Variants in KAZN observed in about 807,000 individuals in gnomAD.
The protein encoded by KAZN is kazrin.
KAZN carries 40 observed loss-of-function variants against 87.4 expected under a neutral mutation model. That is an observed-to-expected ratio of 0.46 (90% CI 0.36 to 0.60). KAZN has a LOEUF of 0.60. Among genes scored for constraint, KAZN ranks in the 20% least tolerant of loss-of-function variants. KAZN has a pLI of 0.00. For missense variants in KAZN, 898 were observed against 1,073.9 expected, an observed-to-expected ratio of 0.84 and a Z score of 2.29; for synonymous variants, 466 against 458.3, an observed-to-expected ratio of 1.02 and a Z score of -0.22.
intron 1 of KAZN, among the ~76,000 whole-genome samples, chr1:14,959,176 C>T (rs934998340): frequency 4.6e-5 from 7 of 152,126 alleles, no homozygotes; most frequent in African/African-American, 1.4e-4. Context: ...CAGCCCTGCA[C>T]CCCCACCCGC....
intron 2 of KAZN, among the ~76,000 whole-genome samples, chr1:14,455,531 A>G (rs973947841): frequency 6.6e-6 from 1 of 152,224 alleles, no homozygotes; most frequent in African/African-American, 2.4e-5. Context: ...CTTAGGAAAC[A>G]TAAAATTATC....
intron 1 of KAZN, among the ~76,000 whole-genome samples, chr1:14,960,415 G>A (rs1187408639): frequency 2.6e-5 from 4 of 152,298 alleles, no homozygotes; most frequent in East Asian, 1.9e-4. Flanking sequence ...CCACCAGAGC[G>A]GACACTCTGA....
chr1:14,417,488 A>ATT (rs1423443171), intron 2 of KAZN, among the ~76,000 whole-genome samples: 3 of 152,190 alleles, frequency 2.0e-5, no homozygotes, highest in Non-Finnish European at 2.9e-5. Flanking sequence ...TCTACAATGT[A>ATT]TTTGTCCAGT....
At chr1:14,840,291 A>G (rs75836275) in intron 1 of KAZN, among the ~76,000 whole-genome samples, 6,174 of 152,216 alleles carry the variant, frequency 0.041, 285 homozygotes, top group African/African-American at 0.11. Context: ...TGGGGGATCT[A>G]ATCACACACA....
chr1:14,977,734 G>T (rs1309359891), intron 2 of KAZN, among the ~76,000 whole-genome samples: 1 of 152,180 alleles, frequency 6.6e-6, no homozygotes, highest in South Asian at 2.1e-4. Flanking sequence ...GCGCCCAGGA[G>T]AGAGGTCCAC....
At chr1:14,549,472 CCTGTGGCCCAGA>C (rs1673367612) in intron 2 of KAZN, among the ~76,000 whole-genome samples, 1 of 152,142 alleles carries the variant, frequency 6.6e-6, no homozygotes, top group African/African-American at 2.4e-5. Flanking sequence ...CTTATCCATA[CCTGTGGCCCAGA>C]CACAGGATGG....
At chr1:14,395,679 GT>G (rs1236917103) in intron 2 of KAZN, among the ~76,000 whole-genome samples, 2 of 152,190 alleles carry the variant, frequency 1.3e-5, no homozygotes, top group African/African-American at 2.4e-5. Context: ...TAAGACTAGG[GT>G]ATCCTTGATC....
chr1:14,945,613 G>A (rs886673186), intron 1 of KAZN, among the ~76,000 whole-genome samples: 1 of 152,170 alleles, frequency 6.6e-6, no homozygotes, highest in Admixed American at 6.5e-5. Flanking sequence ...AACACTGCTC[G>A]TTAGTGACTT....
chr1:15,006,853 G>A (rs902322495), intron 2 of KAZN, among the ~76,000 whole-genome samples: 39 of 151,996 alleles, frequency 2.6e-4, no homozygotes, highest in Admixed American at 5.2e-4. Flanking sequence ...TCAGAAGATC[G>A]AGACCATCCT....
rs546553011 is a variant in KAZN at position 14,268,144 on chromosome 1, A to G, written c.249+87552A>G. ...GCCAATGCAGCTAGTTCCACTGCAT[A>G]GTAGACACCTTGAGGTTAGTGGCTA... On this transcript the variant is annotated intron_variant, in intron 2 of 16. Transcript: ENST00000636203. 4.6e-5 allele frequency among the ~76,000 whole-genome samples: 7 copies of G among 152,326 alleles called. No homozygotes were observed. The South Asian group carries it at 8.3e-4, about 18-fold the overall frequency.
chr1:14,722,757 C>T (rs966640691), intron 1 of KAZN, among the ~76,000 whole-genome samples: 14 of 152,090 alleles, frequency 9.2e-5, no homozygotes, highest in African/African-American at 3.1e-4. Flanking sequence ...CCAGTCTTGC[C>T]CTATCCACAC....
intron 4 of KAZN, among the ~76,000 whole-genome samples, chr1:15,052,918 G>A (rs1409959380): frequency 6.6e-6 from 1 of 152,204 alleles, no homozygotes; most frequent in Non-Finnish European, 1.5e-5. Flanking sequence ...CCTGGGAGAA[G>A]GAAGCCGATG....
chr1:14,345,004 C>G (rs143784696), intron 2 of KAZN, among the ~76,000 whole-genome samples: 2 of 151,536 alleles, frequency 1.3e-5, no homozygotes, highest in Non-Finnish European at 2.9e-5. Flanking sequence ...CTGCAACCTC[C>G]GCCTCCAGGG....
intron 1 of KAZN, among the ~76,000 whole-genome samples, chr1:14,092,990 G>C (rs890554314): frequency 1.3e-5 from 2 of 152,156 alleles, no homozygotes; most frequent in African/African-American, 4.8e-5. Flanking sequence ...CTGGGTTTCA[G>C]CCTTCCCCTG....
At chr1:14,085,504 A>G (rs1315904372) in intron 1 of KAZN, among the ~76,000 whole-genome samples, 3 of 152,172 alleles carry the variant, frequency 2.0e-5, no homozygotes, top group African/African-American at 7.2e-5. Context: ...AGAGTTTTAT[A>G]AAATTGAAGT....
chr1:14,759,310 G>A (rs1644667908), intron 1 of KAZN, among the ~76,000 whole-genome samples: 1 of 152,148 alleles, frequency 6.6e-6, no homozygotes, highest in African/African-American at 2.4e-5. Flanking sequence ...CCGTGGCTAT[G>A]TGAAGAGTGA....
At chr1:14,910,837 T>A (rs1160860366) in intron 1 of KAZN, among the ~76,000 whole-genome samples, 1 of 152,230 alleles carries the variant, frequency 6.6e-6, no homozygotes, top group Non-Finnish European at 1.5e-5. Flanking sequence ...AAATCCTATC[T>A]TTTAAGTGAA....
At chr1:14,924,310 C>T (rs1658888314) in intron 1 of KAZN, 7 of 985,438 alleles carry the variant, frequency 7.1e-6, no homozygotes, top group Admixed American at 6.3e-5. Context: ...GAGCCCGGCG[C>T]GCGCCGTCGG....
chr1:14,952,765 G>A (rs1457635300), intron 1 of KAZN, among the ~76,000 whole-genome samples: 5 of 152,138 alleles, frequency 3.3e-5, no homozygotes, highest in Non-Finnish European at 7.3e-5. Context: ...AAGCCCGAAG[G>A]TCAGGGTTCT....
Sources: gnomAD v4.1 joint callset for allele counts (sites outside exome capture counted in the v4.1 genomes callset) on GRCh38, gnomAD v4.1.1 for gene constraint, MANE v1.5 for transcripts, NCBI Gene and HGNC (gene_info 2026-07-23, HGNC 2026-07-21) for gene names.